The following TRANK1 variants were observed in gnomAD, a reference collection of about 807,000 sequenced individuals.
TRANK1 encodes the protein TPR and ankyrin repeat-containing protein 1.
TRANK1 carries 198 observed loss-of-function variants against 266.0 expected under a neutral mutation model. The ratio of observed to expected loss-of-function variants is 0.74; its 90% CI spans 0.66 to 0.84. The LOEUF is 0.84. Among genes scored for constraint, TRANK1 ranks in the 40% least tolerant of loss-of-function variants. TRANK1 has a pLI of 0.00. For missense variants in TRANK1, 3,326 were observed against 3,634.6 expected (o/e 0.92, Z 2.18); for synonymous variants, 1,396 against 1,384.1 (o/e 1.01, Z -0.19).
rs535825194 is a variant in TRANK1 at position 36,848,847 on chromosome 3, G to A, written c.4888-1501C>T. ...GTTTGACATTTGAGAGGATCCTCCT[G>A]GCAGGTAGCATGAGATACGGACTGG... On this transcript the variant is annotated intron_variant, in intron 15 of 23. Coordinates refer to ENST00000645898, the MANE Select transcript of TRANK1 (RefSeq NM_001329998.2). Among the ~76,000 whole-genome samples, 4 of 152,284 alleles carry A rather than the reference G, an allele frequency of 2.6e-5. 1 individual carries two copies. Among genetic ancestry groups the A allele is most frequent in the South Asian group, 4.1e-4 (2 of 4,824 alleles).
At chr3:36,942,666 C>G (rs1372820391) in intron 1 of TRANK1, among the ~76,000 whole-genome samples, 2 of 151,148 alleles carry the variant, frequency 1.3e-5, no homozygotes, top group African/African-American at 4.9e-5. Flanking sequence ...AACCACACAG[C>G]CATGTCCTAC....
At chr3:36,885,013 G>T (rs1014690599) in intron 8 of TRANK1, among the ~76,000 whole-genome samples, 1 of 151,898 alleles carries the variant, frequency 6.6e-6, no homozygotes, top group Non-Finnish European at 1.5e-5. Context: ...AAAGACCATA[G>T]TAATACCTGT....
chr3:36,943,614 C>G (rs111672838), intron 1 of TRANK1, among the ~76,000 whole-genome samples: 24 of 150,090 alleles, frequency 1.6e-4, no homozygotes, highest in Non-Finnish European at 1.5e-4. Context: ...CCCCGCCCTC[C>G]AACACACACA....
intron 9 of TRANK1, among the ~76,000 whole-genome samples, chr3:36,866,106 A>AAGAAAG (rs1298866496): frequency 6.7e-6 from 1 of 148,270 alleles, no homozygotes; most frequent in South Asian, 2.1e-4. Flanking sequence ...GAAAGAAAGA[A>AAGAAAG]AGAAAGAAAG....
At chr3:36,844,406 T>C (rs1442392125) in intron 17 of TRANK1, among the ~76,000 whole-genome samples, 4 of 152,164 alleles carry the variant, frequency 2.6e-5, no homozygotes, top group Non-Finnish European at 4.4e-5. Flanking sequence ...TTTGTATTTT[T>C]AGTAGAGATG....
intron 9 of TRANK1, among the ~76,000 whole-genome samples, chr3:36,870,407 CAAAAA>C (rs1016224749): frequency 8.0e-6 from 1 of 124,578 alleles, no homozygotes. Flanking sequence ...AACTCTGTTT[CAAAAA>C]AAAAAAAAAG....
chr3:36,839,487 A>G (rs2078814867), intron 18 of TRANK1, among the ~76,000 whole-genome samples: 1 of 152,184 alleles, frequency 6.6e-6, no homozygotes, highest in African/African-American at 2.4e-5. Context: ...TCTCCCCTTC[A>G]TGCTATCTGT....
chr3:36,887,869 AT>A (rs2079629575), intron 8 of TRANK1, among the ~76,000 whole-genome samples: 1 of 152,226 alleles, frequency 6.6e-6, no homozygotes, highest in East Asian at 1.9e-4. Context: ...AAGGGTTAGG[AT>A]GTGAAGAAGC....
intron 9 of TRANK1, among the ~76,000 whole-genome samples, chr3:36,866,215 G>A (rs1014196774): frequency 1.3e-5 from 2 of 152,188 alleles, no homozygotes; most frequent in African/African-American, 4.8e-5. Flanking sequence ...AGATAAGAGA[G>A]CAGAACTGGA....
chr3:36,840,074 T>C (rs2078822885), intron 18 of TRANK1, among the ~76,000 whole-genome samples: 1 of 152,018 alleles, frequency 6.6e-6, no homozygotes, highest in Admixed American at 6.5e-5. Context: ...TTTAAAGCGA[T>C]AAATAATTGG....
intron 1 of TRANK1, among the ~76,000 whole-genome samples, chr3:36,943,565 C>T (rs961625925): frequency 1.4e-5 from 2 of 143,712 alleles, no homozygotes; most frequent in Non-Finnish European, 3.0e-5. Flanking sequence ...CAAAACAGAC[C>T]TGCCTGGAAA....
At chr3:36,854,919 T>C (rs181651471) in intron 13 of TRANK1, among the ~76,000 whole-genome samples, 1 of 152,376 alleles carries the variant, frequency 6.6e-6, no homozygotes, top group African/African-American at 2.4e-5. Context: ...AATGTATTCA[T>C]GTTATGGCAA....
chr3:36,829,540 G>C, intron 23 of TRANK1, 24 bp downstream of exon 23: 1 of 1,612,454 alleles, frequency 6.2e-7, no homozygotes, highest in Non-Finnish European at 8.5e-7. Context: ...AGTGTTACCT[G>C]TCCCCACAAT....
chr3:36,900,795 T>C (rs2079863938), intron 3 of TRANK1, among the ~76,000 whole-genome samples: 1 of 132,504 alleles, frequency 7.5e-6, no homozygotes, highest in Non-Finnish European at 1.5e-5. Flanking sequence ...GGGAGGAGGA[T>C]CACATGAGCC....
At chr3:36,865,928 C>T (rs988979814) in intron 9 of TRANK1, among the ~76,000 whole-genome samples, 4 of 130,522 alleles carry the variant, frequency 3.1e-5, no homozygotes, top group Non-Finnish European at 4.9e-5. Context: ...GACCCTGTCT[C>T]AAAAGAAAAA....
chr3:36,934,564 TGTCCTACCCTC>T (rs1180697017), intron 1 of TRANK1, among the ~76,000 whole-genome samples: 1 of 152,112 alleles, frequency 6.6e-6, no homozygotes, highest in Non-Finnish European at 1.5e-5. Flanking sequence ...ATACCAGGGG[TGTCCTACCCTC>T]ACCCCGCCCT....
chr3:36,872,359 A>G (rs561435163), intron 9 of TRANK1, among the ~76,000 whole-genome samples: 1 of 152,346 alleles, frequency 6.6e-6, no homozygotes, highest in Non-Finnish European at 1.5e-5. Flanking sequence ...CTGAGATCGC[A>G]TCACTGCACC....
chr3:36,829,944 C>A (rs2078672853), intron 22 of TRANK1, among the ~76,000 whole-genome samples: 2 of 152,208 alleles, frequency 1.3e-5, no homozygotes, highest in Admixed American at 1.3e-4. Flanking sequence ...AAACCTTAAA[C>A]TGGAAAGAGT....
In TRANK1 at chr3:36,855,861, A is replaced by C; in HGVS notation, c.3861T>G (p.Ser1287Arg). The change falls in exon 13 of 24, where the codon AGT becomes AGG. Residue 1287 changes from serine (S) to arginine (R), a missense_variant. Coordinates refer to ENST00000645898, the MANE Select transcript of TRANK1 (RefSeq NM_001329998.2). ...CAGCCTCCTCTTCATCCTCTTGCCA[A>C]CTAGGAATGGTTGACTCTTCCTGTG... The part of the protein sequence containing the change: ...WSAQEESTIP[S>R]WQEDEEEAEV... 6.2e-7 allele frequency: 1 copy of C among 1,613,582 alleles called. No homozygotes were observed. The highest frequency in any genetic ancestry group is 8.5e-7 in the Non-Finnish European group (1 of 1,179,816).
Sources: allele counts gnomAD v4.1 joint callset (sites outside exome capture counted in the v4.1 genomes callset), GRCh38; gene constraint gnomAD v4.1.1; transcripts MANE v1.5; gene names NCBI Gene and HGNC (gene_info 2026-07-23, HGNC 2026-07-21).